The following UAP1 variants were observed in gnomAD, a reference collection of about 807,000 sequenced individuals.
UAP1 encodes UDP-N-acetylhexosamine pyrophosphorylase.
A neutral mutation model predicts 58.5 loss-of-function variants in UAP1; 25 were observed. The observed-to-expected ratio is 0.43, with a 90% CI of 0.31 to 0.60. The LOEUF is 0.60. UAP1 is among the 20% of genes least tolerant of loss of function. UAP1 has a pLI of 0.11. For missense variants in UAP1, 575 were observed against 630.0 expected, an observed-to-expected ratio of 0.91 and a Z score of 0.93; for synonymous variants, 208 against 213.0, an observed-to-expected ratio of 0.98 and a Z score of 0.21.
chr1:162,599,360 T>A, exon 11 of UAP1: 5 of 1,603,872 alleles, frequency 3.1e-6, no homozygotes, highest in Non-Finnish European at 4.3e-6. Flanking sequence ...AAAATGGTAT[T>A]TGAACCAGAT....
At chr1:162,599,203 T>C (rs537407620) in intron 10 of UAP1, 68 bp from the exon 11 acceptor site, 35 of 954,848 alleles carry the variant, frequency 3.7e-5, no homozygotes, top group Non-Finnish European at 5.6e-5. Flanking sequence ...ATCATCATTA[T>C]AGCAAGTCCA....
chr1:162,570,201 A>T (rs966059429), intron 2 of UAP1, among the ~76,000 whole-genome samples: 1 of 152,182 alleles, frequency 6.6e-6, no homozygotes, highest in African/African-American at 2.4e-5. Context: ...ACTAAAAATT[A>T]CAAAGGAAAA....
At chr1:162,582,507 CAG>C (rs1571075736) in intron 5 of UAP1, among the ~76,000 whole-genome samples, 2 of 152,100 alleles carry the variant, frequency 1.3e-5, no homozygotes, top group African/African-American at 4.8e-5. Context: ...CATTTTGACT[CAG>C]TGGAGGAAAT....
chr1:162,598,456 C>G (rs1457300487), intron 10 of UAP1, among the ~76,000 whole-genome samples: 1 of 152,166 alleles, frequency 6.6e-6, no homozygotes, highest in Non-Finnish European at 1.5e-5. Context: ...TCTGCAATAT[C>G]TAGTCCATTT....
chr1:162,571,054 G>C (rs552031852), intron 2 of UAP1, among the ~76,000 whole-genome samples: 1 of 151,448 alleles, frequency 6.6e-6, no homozygotes, highest in Non-Finnish European at 1.5e-5. Flanking sequence ...TCCAAGGAGA[G>C]AGATACTCCA....
exon 8 of UAP1, chr1:162,590,431 G>A: frequency 6.2e-7 from 1 of 1,613,514 alleles, no homozygotes; most frequent in Non-Finnish European, 8.5e-7. Context: ...ATGCTTTGAT[G>A]TCCCTTCATC....
At chr1:162,561,965 G>A (rs1037384018) in intron 1 of UAP1, among the ~76,000 whole-genome samples, 188 bp downstream of exon 1, 5 of 152,206 alleles carry the variant, frequency 3.3e-5, no homozygotes, top group African/African-American at 1.2e-4. Context: ...ACCCCAGCCC[G>A]TGCGCCCCGC....
exon 2 of UAP1, chr1:162,566,321 G>T: frequency 6.2e-7 from 1 of 1,614,096 alleles, no homozygotes; most frequent in Non-Finnish European, 8.5e-7. Context: ...AAGGGATCAA[G>T]ATCAGCTCCA....
At chr1:162,563,868 GA>G (rs1287984567) in intron 1 of UAP1, among the ~76,000 whole-genome samples, 3 of 152,152 alleles carry the variant, frequency 2.0e-5, no homozygotes, top group Non-Finnish European at 4.4e-5. Flanking sequence ...TATTCATGAG[GA>G]AATCTATGCA....
Position 162,579,412 on chromosome 1 carries a change from G to C in UAP1, c.486-16G>C. ...CCTAGCACGGTTGCTTAGAAGATCT[G>C]ATTTTCTCTTGTAAGGTATATAATG... On this transcript the variant is annotated splice_polypyrimidine_tract_variant and intron_variant, in intron 3 of 10. Coordinates refer to ENST00000271469, the Ensembl canonical transcript of UAP1. The C allele has an allele frequency of 2.0e-6, 3 of 1,472,786 alleles. No individual in the cohort carries two copies. Among genetic ancestry groups the C allele is most frequent in the Non-Finnish European group, 2.7e-6 (3 of 1,106,630 alleles). The allele number at this position is 1,472,786 out of a possible 1,614,324, so 91.2% of individuals were successfully genotyped here.
chr1:162,576,659 A>G (rs1654200922), intron 2 of UAP1, 118 bp from the exon 3 acceptor site: 1 of 958,000 alleles, frequency 1.0e-6, no homozygotes, highest in South Asian at 1.7e-5. Flanking sequence ...TGGCCTCAGG[A>G]CAAGACAGCT....
At chr1:162,583,146 CTTTTTTTT>C (rs11376471) in intron 5 of UAP1, among the ~76,000 whole-genome samples, 1,196 of 68,100 alleles carry the variant, frequency 0.018, 25 homozygotes, top group African/African-American at 0.07. Context: ...TGGTGTCACT[CTTTTTTTT>C]TTTTTTTTTT....
intron 5 of UAP1, among the ~76,000 whole-genome samples, chr1:162,582,486 A>G (rs1009332290): frequency 1.3e-5 from 2 of 152,240 alleles, no homozygotes; most frequent in Non-Finnish European, 2.9e-5. Context: ...AACACATTTT[A>G]TAAAATATGG....
rs1014580439 is a variant in UAP1 at position 162,576,984 on chromosome 1, A to G, written c.485+3A>G. The G allele has an allele frequency of 1.9e-6, 3 of 1,613,490 alleles. No homozygotes were observed. The highest frequency in any genetic ancestry group is 8.5e-7 in the Non-Finnish European group (1 of 1,179,520). On this transcript the variant is annotated splice_donor_region_variant and intron_variant, in intron 3 of 10. Coordinates refer to ENST00000271469, the Ensembl canonical transcript of UAP1. The stretch of plus-strand genomic sequence containing the variant: ...GGCAACAAATGCATTATTCCATGGT[A>G]AGATACGTCTCATTATTGGAGTGTG...
intron 9 of UAP1, chr1:162,593,098 A>G (rs964061824): frequency 2.6e-6 from 1 of 390,932 alleles, no homozygotes; most frequent in East Asian, 4.3e-5. Context: ...CACATTTTGC[A>G]CCTTTAACAT....
At chr1:162,584,747 T>C (rs752986297) in intron 5 of UAP1, among the ~76,000 whole-genome samples, 6 of 152,104 alleles carry the variant, frequency 3.9e-5, no homozygotes, top group Non-Finnish European at 8.8e-5. Context: ...CCTTCCAAAG[T>C]GCTGGGATTA....
chr1:162,572,429 G>A (rs1653922922), intron 2 of UAP1, among the ~76,000 whole-genome samples: 2 of 152,236 alleles, frequency 1.3e-5, no homozygotes, highest in Admixed American at 1.3e-4. Flanking sequence ...CATCAGGTGA[G>A]CAGGAGCTGA....
intron 2 of UAP1, among the ~76,000 whole-genome samples, chr1:162,566,568 A>G (rs569525983): frequency 8.6e-5 from 13 of 151,724 alleles, no homozygotes; most frequent in African/African-American, 2.4e-4. Context: ...CTCAATTTCC[A>G]TACTTCTGCT....
At chr1:162,593,178 T>C in intron 9 of UAP1, 1 of 188,322 alleles carries the variant, frequency 5.3e-6, no homozygotes, top group Non-Finnish European at 1.1e-5. Flanking sequence ...GCTCTCAGTA[T>C]ACAGGCTGAT....
Sources: gnomAD v4.1 joint callset for allele counts (sites outside exome capture counted in the v4.1 genomes callset) on GRCh38, gnomAD v4.1.1 for gene constraint, MANE v1.5 for transcripts, NCBI Gene and HGNC (gene_info 2026-07-23, HGNC 2026-07-21) for gene names.